Variants in CD226 observed in about 807,000 individuals in gnomAD.
CD226 encodes the protein CD226 molecule, also known as CD226 antigen.
In CD226, 24 loss-of-function variants were observed where a neutral mutation model predicts 34.9. The ratio of observed to expected loss-of-function variants is 0.69; its 90% confidence interval spans 0.50 to 0.97. The LOEUF is 0.97. Ranked by LOEUF, CD226 falls within the 50% of genes least tolerant of loss-of-function variation. The pLI, the probability that CD226 is intolerant of heterozygous loss-of-function variation, is 0.00. For synonymous variants in CD226, 148 were observed against 147.4 expected, an observed-to-expected ratio of 1.00 and a Z score of -0.03; for missense variants, 397 against 412.7, an observed-to-expected ratio of 0.96 and a Z score of 0.33.
chr18:69,954,873 A>T (rs2055883512), intron 1 of CD226, among the ~76,000 whole-genome samples: 1 of 152,184 alleles, frequency 6.6e-6, no homozygotes, highest in Non-Finnish European at 1.5e-5. Flanking sequence ...CCAAAGACAA[A>T]TAGAGACAGC....
chr18:69,927,454 A>G (rs1204771944), intron 2 of CD226, among the ~76,000 whole-genome samples: 2 of 152,130 alleles, frequency 1.3e-5, no homozygotes, highest in South Asian at 2.1e-4. Context: ...AGCATTAAGT[A>G]TATTCACATT....
intron 2 of CD226, among the ~76,000 whole-genome samples, chr18:69,935,183 T>C (rs1158079981): frequency 6.6e-6 from 1 of 152,260 alleles, no homozygotes; most frequent in African/African-American, 2.4e-5. Flanking sequence ...TATTTTCTTT[T>C]TGTTTGCTTT....
intron 2 of CD226, among the ~76,000 whole-genome samples, chr18:69,927,324 A>G (rs2055533302): frequency 6.6e-6 from 1 of 151,696 alleles, no homozygotes; most frequent in African/African-American, 2.4e-5. Context: ...TTACCCATCT[A>G]AGGTACTTTG....
intron 1 of CD226, among the ~76,000 whole-genome samples, chr18:69,955,621 GT>G (rs1184300673): frequency 6.6e-6 from 1 of 152,080 alleles, no homozygotes; most frequent in Admixed American, 6.6e-5. Context: ...TAATCCCAAA[GT>G]GAAGGCCGAG....
intron 2 of CD226, among the ~76,000 whole-genome samples, chr18:69,929,003 G>A (rs1225043889): frequency 3.3e-5 from 5 of 152,332 alleles, no homozygotes; most frequent in South Asian, 2.1e-4. Flanking sequence ...GATTAACCAC[G>A]TAGGTGAGGG....
upstream of CD226, among the ~76,000 whole-genome samples, chr18:69,958,049 C>T (rs1539964): frequency 0.45 from 68,157 of 152,008 alleles, 18,736 homozygotes; most frequent in East Asian, 0.6. Context: ...CACCTCTTAT[C>T]CCTCTCCCAT....
At chr18:69,938,688 C>A (rs1461390746) in intron 2 of CD226, among the ~76,000 whole-genome samples, 1 of 152,212 alleles carries the variant, frequency 6.6e-6, no homozygotes, top group African/African-American at 2.4e-5. Flanking sequence ...CTGAAACTTA[C>A]CTCTACCTGG....
chr18:69,909,386 A>G lies in CD226; in HGVS notation c.383-13341T>C, dbSNP rs575195116. On this transcript the variant is annotated intron_variant, in intron 2 of 5. Coordinates refer to ENST00000582621, the MANE Select transcript of CD226 (RefSeq NM_001303618.2). ...CACAGCAGCTTTCCCTCCTGGCACC[A>G]CTCACCCCTGAGCATCAGCCAGCAC... is the stretch of plus-strand genomic sequence containing the variant. Among the ~76,000 whole-genome samples, 12 of 152,074 alleles carry G rather than the reference A, an allele frequency of 7.9e-5. No individual in the cohort carries two copies. The East Asian group carries it at 9.7e-4, about 12-fold the overall frequency.
rs1599364983 is a variant in CD226 at position 69,862,008 on chromosome 18, T to C, written c.*2306A>G. 1 of 152,246 alleles carries C rather than the reference T, an allele frequency of 6.6e-6. No homozygotes were observed. The highest frequency in any genetic ancestry group is 1.9e-4 in the East Asian group (1 of 5,188). 9.4% of individuals were successfully genotyped at this position (152,246 alleles called of 1,614,324 possible). A position where few individuals can be genotyped will look rare whatever the true frequency, so the allele number is the denominator to read the frequency against. ...GAAGAAAGGACAGAGTAAATAGTTC[T>C]CATCAATATTTTGAATGAGAGACCA... On this transcript the variant is annotated 3_prime_UTR_variant, in exon 6 of 6. Coordinates refer to ENST00000582621, the MANE Select transcript of CD226 (RefSeq NM_001303618.2).
intron 2 of CD226, among the ~76,000 whole-genome samples, chr18:69,936,407 C>A (rs2055654322): frequency 6.6e-6 from 1 of 152,160 alleles, no homozygotes; most frequent in South Asian, 2.1e-4. Context: ...ATTTACTTCA[C>A]CCTTGAGAAG....
intron 4 of CD226, among the ~76,000 whole-genome samples, chr18:69,867,908 C>T (rs1983250413): frequency 6.6e-6 from 1 of 152,126 alleles, no homozygotes; most frequent in African/African-American, 2.4e-5. Context: ...TTCATATAAA[C>T]AGGTTTAGAA....
intron 2 of CD226, among the ~76,000 whole-genome samples, chr18:69,898,434 CAG>C (rs1220487225): frequency 6.6e-6 from 1 of 152,184 alleles, no homozygotes; most frequent in African/African-American, 2.4e-5. Flanking sequence ...CAGGTAGAAA[CAG>C]GGGTCTACTC....
chr18:69,865,209 C>G (rs1247114303), intron 5 of CD226, among the ~76,000 whole-genome samples: 1 of 152,106 alleles, frequency 6.6e-6, no homozygotes, highest in Non-Finnish European at 1.5e-5. Flanking sequence ...AGGCTGGTCT[C>G]AAACTCCTGA....
chr18:69,890,315 G>A (rs758177307), intron 3 of CD226, among the ~76,000 whole-genome samples: 1 of 152,066 alleles, frequency 6.6e-6, no homozygotes, highest in Non-Finnish European at 1.5e-5. Flanking sequence ...AATAGATGCA[G>A]GCCAGGTGTG....
intron 2 of CD226, among the ~76,000 whole-genome samples, chr18:69,941,064 C>A (rs1206735321): frequency 6.6e-6 from 1 of 152,252 alleles, no homozygotes; most frequent in Non-Finnish European, 1.5e-5. Flanking sequence ...TGACAGCTTA[C>A]ACGTGGTGTT....
rs60750165 is a variant in CD226 at position 69,946,180 on chromosome 18, CAAAAAAAAAAAAAAAA to C, written c.382+538_382+553del. The stretch of plus-strand genomic sequence containing the variant: ...GCCTGGTGACAGAGCAAGACTCCAT[CAAAAAAAAAAAAAAAA>C]AAAAAAAAAAAAGAAGGAAGAAGAA... On this transcript the variant is annotated intron_variant, in intron 2 of 5. Coordinates refer to ENST00000582621, the MANE Select transcript of CD226 (RefSeq NM_001303618.2). Among the ~76,000 whole-genome samples the C allele has an allele frequency of 4.7e-4, 31 of 66,392 alleles. No homozygotes were observed. The East Asian group carries it at 0.01, about 22-fold the overall frequency. The allele number at this position is 66,392 out of a possible 152,430, so 43.6% of individuals were successfully genotyped here.
chr18:69,879,659 G>T (rs1384552231), intron 3 of CD226, among the ~76,000 whole-genome samples: 1 of 152,172 alleles, frequency 6.6e-6, no homozygotes, highest in Admixed American at 6.5e-5. Context: ...AGGGTCCTGA[G>T]GTGACATACA....
intron 2 of CD226, among the ~76,000 whole-genome samples, chr18:69,944,223 C>T (rs758401675): frequency 3.5e-4 from 54 of 152,268 alleles, no homozygotes; most frequent in Admixed American, 9.8e-4. Flanking sequence ...TCAATCTGCT[C>T]TTTAAAATAC....
Position 69,947,068 on chromosome 18 carries a change from A to G in CD226, c.48T>C (p.Ala16=), listed in dbSNP as rs755026692. ...LLLALLHVYR[A]LCEEVLWHTS... The stretch of plus-strand genomic sequence containing the variant: ...TATGCCAAAGCACCTCTTCACATAG[A>G]GCTGAAATATACAACATCACATTAA... The change falls in exon 2 of 6, where the codon GCT becomes GCC. Residue 16 remains alanine (A), a splice_region_variant and synonymous_variant. Transcript: ENST00000582621. 1.2e-6 allele frequency: 2 copies of G among 1,610,042 alleles called. No individual in the cohort carries two copies. Among genetic ancestry groups the G allele is most frequent in the South Asian group, 2.2e-5 (2 of 90,916 alleles).
Sources: allele counts gnomAD v4.1 joint callset (sites outside exome capture counted in the v4.1 genomes callset), GRCh38; gene constraint gnomAD v4.1.1; transcripts MANE v1.5; gene names NCBI Gene and HGNC (gene_info 2026-07-23, HGNC 2026-07-21).